The following GRIP2 variants were observed in gnomAD, a reference collection of about 807,000 sequenced individuals.
GRIP2 encodes the protein glutamate receptor interacting protein 2.
GRIP2 carries 58 observed loss-of-function variants against 108.3 expected under a neutral mutation model. The observed-to-expected ratio is 0.54, with a 90% CI of 0.43 to 0.67. GRIP2 has a LOEUF of 0.67. GRIP2 is among the 30% of genes least tolerant of loss of function. The pLI, the probability that GRIP2 is intolerant of heterozygous loss-of-function variation, is 0.00. For missense variants in GRIP2, 1,278 were observed against 1,430.6 expected (o/e 0.89, Z 1.72); for synonymous variants, 586 against 598.2 (o/e 0.98, Z 0.30).
the GRIP2 span, among the ~76,000 whole-genome samples, chr3:14,568,256 G>T: frequency 1.3e-5 from 2 of 152,198 alleles, no homozygotes; most frequent in African/African-American, 2.4e-5. Flanking sequence ...AGTGAGGGTG[G>T]AGGTGGGAAG....
At chr3:14,534,767 C>A (rs1273327847) in intron 1 of GRIP2, among the ~76,000 whole-genome samples, 1 of 152,104 alleles carries the variant, frequency 6.6e-6, no homozygotes, top group Admixed American at 6.5e-5. Flanking sequence ...GGGTGGCCTT[C>A]TTTTTTATTT....
rs756790766 is a variant in GRIP2, at chr3:14,493,532, G to A, written c.*133C>T. The A allele has an allele frequency of 1.8e-6, 2 of 1,085,932 alleles. No individual in the cohort carries two copies. The highest frequency in any genetic ancestry group is 2.6e-6 in the Non-Finnish European group (2 of 778,300). 67.3% of individuals were successfully genotyped at this position (1,085,932 alleles called of 1,614,324 possible). On this transcript the variant is annotated 3_prime_UTR_variant, in exon 24 of 24. Coordinates refer to ENST00000621039, the MANE Select transcript of GRIP2 (RefSeq NM_001080423.4). ...CACAGACCTGGGGAACAGAGACCAA[G>A]CATCATCCCAGGCTCAGAGTCTGCC... is the stretch of plus-strand genomic sequence containing the variant.
the GRIP2 span, among the ~76,000 whole-genome samples, chr3:14,570,509 G>C: frequency 6.6e-6 from 1 of 152,344 alleles, no homozygotes; most frequent in East Asian, 1.9e-4. Flanking sequence ...TCCTGTCTTT[G>C]AACTATTTGT....
intron 21 of GRIP2, among the ~76,000 whole-genome samples, chr3:14,500,990 T>A (rs9883934): frequency 0.017 from 2,620 of 152,274 alleles, 84 homozygotes; most frequent in African/African-American, 0.06. Context: ...AGAAAATATA[T>A]TGAAAATGTA....
chr3:14,531,579 G>GC lies in GRIP2; in HGVS notation c.41-5649dup, dbSNP rs1448965204. Among the ~76,000 whole-genome samples, 3 of 152,310 alleles carry GC rather than the reference G, an allele frequency of 2.0e-5. No individual in the cohort carries two copies. The East Asian group carries it at 5.8e-4, about 29-fold the overall frequency. ...AACTCACAGATCCTGCAGCAGCCAT[G>GC]CCCTGTGCACACCACCACATTATCT... On this transcript the variant is annotated intron_variant, in intron 1 of 23. Transcript: ENST00000621039.
At position 14,521,727 on chromosome 3, in the gene GRIP2, C is replaced by T. The variant is rs1270336448; in HGVS notation, c.627G>A (p.Gly209=). 1 of 1,610,312 alleles carries T rather than the reference C, an allele frequency of 6.2e-7. No homozygotes were observed. Among genetic ancestry groups the T allele is most frequent in the Admixed American group, 1.7e-5 (1 of 59,616 alleles). The change falls in exon 7 of 24, where the codon GGG becomes GGA. Residue 209 remains glycine (G), a synonymous_variant. Transcript: ENST00000621039. The surrounding 1 kb of genome is among the most constrained non-coding windows in gnomAD (Gnocchi z 5.1). The part of the protein sequence containing the change: ...LLSVDGIPLH[G]ASHATALATL... Reference sequence around the variant, plus strand: ...TGGCCAGGGCGGTGGCATGGCTGGCCCCGTGCAGCGGGATTCCATCGACAC... The same window carrying T: ...TGGCCAGGGCGGTGGCATGGCTGGCTCCGTGCAGCGGGATTCCATCGACAC...
the GRIP2 span, among the ~76,000 whole-genome samples, chr3:14,595,002 C>T: frequency 1.3e-5 from 2 of 151,966 alleles, no homozygotes; most frequent in South Asian, 2.1e-4. Context: ...GCTCAAGTGA[C>T]GTTCCCACCT....
chr3:14,584,623 C>T, the GRIP2 span, among the ~76,000 whole-genome samples: 3 of 152,268 alleles, frequency 2.0e-5, no homozygotes, highest in East Asian at 3.9e-4. Context: ...GGACTATGGG[C>T]GGAGGAGGGG....
intron 9 of GRIP2, among the ~76,000 whole-genome samples, chr3:14,519,211 C>G (rs1032456357): frequency 2.0e-5 from 3 of 152,224 alleles, no homozygotes; most frequent in African/African-American, 7.2e-5. Flanking sequence ...TTTTCAGAAG[C>G]TGGCAGAGAC....
chr3:14,562,111 C>G, the GRIP2 span, among the ~76,000 whole-genome samples: 2 of 152,294 alleles, frequency 1.3e-5, no homozygotes, highest in East Asian at 3.9e-4. Context: ...TGAGGAGTAC[C>G]GGAGTACAGA....
chr3:14,514,263 G>A (rs1694181979), intron 12 of GRIP2, 29 bp downstream of exon 12: 1 of 1,524,958 alleles, frequency 6.6e-7, no homozygotes, highest in Non-Finnish European at 8.8e-7. Context: ...AGAGTGGCAG[G>A]CTCAGTAGGG....
At chr3:14,578,733 G>T in the GRIP2 span, among the ~76,000 whole-genome samples, 2 of 150,022 alleles carry the variant, frequency 1.3e-5, no homozygotes, top group African/African-American at 5.0e-5. Context: ...AAAAAAAAAA[G>T]AATTTATGAA....
At chr3:14,574,460 C>T in the GRIP2 span, 1 of 709,704 alleles carries the variant, frequency 1.4e-6, no homozygotes. Context: ...GCTCCAAAGG[C>T]AGCATCAGGT....
At chr3:14,566,356 C>T in the GRIP2 span, among the ~76,000 whole-genome samples, 1 of 152,212 alleles carries the variant, frequency 6.6e-6, no homozygotes, top group African/African-American at 2.4e-5. Flanking sequence ...GGGCGACAGC[C>T]CACAAGGGCA....
chr3:14,501,701 TTAAG>T (rs1693770924), intron 21 of GRIP2, among the ~76,000 whole-genome samples: 1 of 152,246 alleles, frequency 6.6e-6, no homozygotes, highest in Non-Finnish European at 1.5e-5. Context: ...TGTTGTGTCC[TTAAG>T]TTTTACTTTT....
the GRIP2 span, chr3:14,573,949 G>A: frequency 1.4e-5 from 15 of 1,090,160 alleles, no homozygotes; most frequent in Admixed American, 2.1e-4. Flanking sequence ...CGCCCTGCGC[G>A]AATGAAGCTG....
chr3:14,563,096 A>T, the GRIP2 span, among the ~76,000 whole-genome samples: 1 of 152,248 alleles, frequency 6.6e-6, no homozygotes, highest in Non-Finnish European at 1.5e-5. Flanking sequence ...AAGGGACCTT[A>T]CTTGAATCCT....
At chr3:14,516,806 A>G (rs61550134) in intron 11 of GRIP2, among the ~76,000 whole-genome samples, 23,573 of 152,188 alleles carry the variant, frequency 0.15, 2,215 homozygotes, top group African/African-American at 0.26. Flanking sequence ...ACCAAATCCT[A>G]GGAATTTTTC....
Position 14,540,192 on chromosome 3 carries a change from C to T in GRIP2, c.40+77G>A. 1.3e-6 allele frequency: 2 copies of T among 1,543,728 alleles called. No individual in the cohort carries two copies. Among genetic ancestry groups the T allele is most frequent in the Admixed American group, 1.8e-5 (1 of 56,610 alleles). On this transcript the variant is annotated intron_variant, in intron 1 of 23. Coordinates refer to ENST00000621039, the MANE Select transcript of GRIP2 (RefSeq NM_001080423.4). This position sits in a 1 kb window ranked among gnomAD's most constrained non-coding sequence, Gnocchi z 4.1. ...TCCCAGGTCTCAGCCATCCAGTCCC[C>T]TCTCTCTGGGCAGCAGCTCCAGAGG...
Sources: allele counts gnomAD v4.1 joint callset (sites outside exome capture counted in the v4.1 genomes callset), GRCh38; gene constraint gnomAD v4.1.1; non-coding constraint Gnocchi (gnomAD v3.1); transcripts MANE v1.5; gene names NCBI Gene and HGNC (gene_info 2026-07-23, HGNC 2026-07-21).